Variants in LYPD6 observed in about 807,000 individuals in gnomAD.
LYPD6 encodes LY6/PLAUR domain containing 6.
Under a neutral mutation model 22.7 loss-of-function variants are expected in LYPD6, and 15 were observed. The ratio of observed to expected loss-of-function variants is 0.66; its 90% CI spans 0.44 to 1.02. The LOEUF is 1.02. Among genes scored for constraint, LYPD6 ranks in the 50% least tolerant of loss-of-function variants. LYPD6 has a pLI of 0.00. For synonymous variants in LYPD6, 72 were observed against 77.5 expected (o/e 0.93, Z 0.37); for missense variants, 189 against 208.4 (o/e 0.91, Z 0.57).
intron 3 of LYPD6, among the ~76,000 whole-genome samples, chr2:149,467,170 G>T (rs1310490773): frequency 6.6e-6 from 1 of 152,188 alleles, no homozygotes; most frequent in East Asian, 1.9e-4. Context: ...TATTCTTATT[G>T]TGAGCTCCCC....
At chr2:149,354,535 C>G (rs1342435829) in intron 1 of LYPD6, among the ~76,000 whole-genome samples, 2 of 151,992 alleles carry the variant, frequency 1.3e-5, no homozygotes, top group African/African-American at 4.8e-5. Context: ...GCAAACCATT[C>G]AAAACAGAGG....
rs148367727 is a variant in LYPD6, at chr2:149,436,192, T to G, written c.-71-1446T>G. On this transcript the variant is annotated intron_variant, in intron 1 of 4. Coordinates refer to ENST00000334166, the MANE Select transcript of LYPD6 (RefSeq NM_194317.5). ...TACTGAGTTTCTGTTTCATAATATA[T>G]TTCCTTGCCTATGTATTTTTACAAA... Among the ~76,000 whole-genome samples, 315 of 152,368 alleles carry G rather than the reference T, an allele frequency of 2.1e-3. 1 individual carries two copies. The highest frequency in any genetic ancestry group is 3.7e-3 in the Non-Finnish European group (250 of 68,036).
intron 3 of LYPD6, 113 bp downstream of exon 3, chr2:149,449,260 T>C (rs1224910276): frequency 7.8e-6 from 5 of 637,110 alleles, no homozygotes; most frequent in Non-Finnish European, 1.1e-5. Context: ...CTGCTCCTCT[T>C]GTCTAAGGCT....
intron 3 of LYPD6, among the ~76,000 whole-genome samples, chr2:149,458,704 A>T (rs539669101): frequency 3.5e-4 from 54 of 152,366 alleles, no homozygotes; most frequent in Non-Finnish European, 6.9e-4. Flanking sequence ...ACTTGAAACA[A>T]ATTTTTAAAA....
At chr2:149,330,175 G>A (rs1202980215), upstream of LYPD6, 1 of 152,094 alleles carries the variant, frequency 6.6e-6, no homozygotes, top group Non-Finnish European at 1.5e-5. Context: ...CGGCTAGGGA[G>A]AGGCGCCAGG....
chr2:149,447,585 C>T (rs569333689), intron 2 of LYPD6, among the ~76,000 whole-genome samples: 2 of 152,314 alleles, frequency 1.3e-5, no homozygotes, highest in African/African-American at 4.8e-5. Context: ...TTAGCTAAGG[C>T]TTACCATCTC....
At chr2:149,435,883 C>T (rs1453041382) in intron 1 of LYPD6, among the ~76,000 whole-genome samples, 2 of 152,032 alleles carry the variant, frequency 1.3e-5, no homozygotes, top group Non-Finnish European at 2.9e-5. Flanking sequence ...AACAATTTGC[C>T]AATTAAAAAA....
Position 149,452,274 on chromosome 2 carries a change from CTGTAAG to C in LYPD6, c.217+3128_217+3133del, listed in dbSNP as rs1680847451. On this transcript the variant is annotated intron_variant, in intron 3 of 4. Transcript: ENST00000334166. ...TCAGGTAAGGAGTGGGAACTTAAAG[CTGTAAG>C]CTGAGAAGGGGTGAGGCCACACTCA... 5.9e-5 allele frequency among the ~76,000 whole-genome samples: 9 copies of C among 152,302 alleles called. No individual in the cohort carries two copies. The South Asian group carries it at 1.9e-3, about 32-fold the overall frequency.
rs75150341 is a variant in LYPD6 at position 149,466,631 on chromosome 2, G to C, written c.218-2014G>C. ...ATTATGTATAAGATATTTTGTTAAA[G>C]ATAGAAAAGTATGAACAAAGAAGTA... On this transcript the variant is annotated intron_variant, in intron 3 of 4. Coordinates refer to ENST00000334166, the MANE Select transcript of LYPD6 (RefSeq NM_194317.5). 2.0e-4 allele frequency among the ~76,000 whole-genome samples: 30 copies of C among 152,242 alleles called. No homozygotes were observed. The East Asian group carries it at 5.8e-3, about 29-fold the overall frequency.
intron 1 of LYPD6, among the ~76,000 whole-genome samples, chr2:149,340,067 T>A (rs1681130323): frequency 6.6e-6 from 1 of 152,198 alleles, no homozygotes; most frequent in South Asian, 2.1e-4. Context: ...AAATCATTAT[T>A]GCTACTTGAA....
At chr2:149,444,654 CT>C (rs1040468740) in intron 2 of LYPD6, among the ~76,000 whole-genome samples, 20 of 148,256 alleles carry the variant, frequency 1.3e-4, no homozygotes, top group East Asian at 5.9e-4. Flanking sequence ...CAAGAAACGG[CT>C]TTTTTTTTTG....
At position 149,442,324 on chromosome 2, in the gene LYPD6, A is replaced by T. The variant is rs1294004600; in HGVS notation, c.118+4498A>T. ...GTTCCAAGAGATGGAAACAAAGACT[A>T]AATCTTTTCTGATACCGTACAAATA... On this transcript the variant is annotated intron_variant, in intron 2 of 4. Coordinates refer to ENST00000334166, the MANE Select transcript of LYPD6 (RefSeq NM_194317.5). Among the ~76,000 whole-genome samples the T allele has an allele frequency of 2.0e-5, 3 of 152,228 alleles. No individual in the cohort carries two copies. The East Asian group carries it at 5.8e-4, about 29-fold the overall frequency.
chr2:149,473,285 C>G lies in LYPD6; in HGVS notation c.*2435C>G, dbSNP rs1014922538. The G allele has an allele frequency of 1.0e-4, 16 of 152,572 alleles. No homozygotes were observed. Among genetic ancestry groups the G allele is most frequent in the African/African-American group, 3.9e-4 (16 of 41,438 alleles). The allele number at this position is 152,572 out of a possible 1,614,324, so 9.5% of individuals were successfully genotyped here. A position where few individuals can be genotyped will look rare whatever the true frequency, so the allele number is the denominator to read the frequency against. Reference sequence around the variant, plus strand: ...GCTTGCAGACTCTGCATAGATGTTGCTGCATGTGTCCCATGTGCCTGTCAG... The same window carrying G: ...GCTTGCAGACTCTGCATAGATGTTGGTGCATGTGTCCCATGTGCCTGTCAG... On this transcript the variant is annotated 3_prime_UTR_variant, in exon 5 of 5. Coordinates refer to ENST00000334166, the MANE Select transcript of LYPD6 (RefSeq NM_194317.5).
chr2:149,407,581 C>T (rs1249668309), intron 1 of LYPD6, among the ~76,000 whole-genome samples: 1 of 152,216 alleles, frequency 6.6e-6, no homozygotes, highest in African/African-American at 2.4e-5. Context: ...CTTTCGGCTC[C>T]ATCAGCTCCT....
At chr2:149,371,230 G>C (rs924503051) in intron 1 of LYPD6, among the ~76,000 whole-genome samples, 1 of 152,116 alleles carries the variant, frequency 6.6e-6, no homozygotes, top group Non-Finnish European at 1.5e-5. Context: ...TTGCTCCCAA[G>C]TTTGTCAGCT....
chr2:149,341,715 G>A (rs1265252105), intron 1 of LYPD6, among the ~76,000 whole-genome samples: 1 of 152,190 alleles, frequency 6.6e-6, no homozygotes, highest in Non-Finnish European at 1.5e-5. Context: ...TGAGGGCACA[G>A]TCTCTCTGCT....
chr2:149,402,578 C>T lies in LYPD6; in HGVS notation c.-71-35060C>T, dbSNP rs370292390. ...TTATTTTTGATTATGGCCATTCTTG[C>T]AGGAGTGAGTTGGTATTATATTGTG... is the stretch of plus-strand genomic sequence containing the variant. On this transcript the variant is annotated intron_variant, in intron 1 of 4. Transcript: ENST00000334166. Among the ~76,000 whole-genome samples, 5 of 152,216 alleles carry T rather than the reference C, an allele frequency of 3.3e-5. No individual in the cohort carries two copies. In the South Asian group the frequency reaches 6.2e-4, roughly 19 times the overall value.
intron 3 of LYPD6, among the ~76,000 whole-genome samples, chr2:149,455,257 G>GTTTT (rs554548181): frequency 7.8e-6 from 1 of 128,010 alleles, no homozygotes; most frequent in Non-Finnish European, 1.6e-5. Flanking sequence ...TTTCTAGCAA[G>GTTTT]TTTTTTTTTT....
intron 3 of LYPD6, among the ~76,000 whole-genome samples, chr2:149,464,756 A>G (rs1469351687): frequency 2.0e-5 from 3 of 152,182 alleles, no homozygotes; most frequent in African/African-American, 7.2e-5. Context: ...AATTGAGGAA[A>G]TGGAAAATGG....
Sources: allele counts gnomAD v4.1 joint callset (sites outside exome capture counted in the v4.1 genomes callset), GRCh38; gene constraint gnomAD v4.1.1; transcripts MANE v1.5; gene names NCBI Gene and HGNC (gene_info 2026-07-23, HGNC 2026-07-21).